SCN10A: variants seen among roughly 807,000 people sequenced by gnomAD.
SCN10A encodes the protein sodium channel protein type 10 subunit alpha.
In SCN10A, 162 loss-of-function variants were observed where a neutral mutation model predicts 170.7. The ratio of observed to expected loss-of-function variants is 0.95; its 90% CI spans 0.84 to 1.08. The LOEUF (loss-of-function observed/expected upper bound fraction) is 1.08, where lower values mean the gene tolerates loss of function less well. Ranked by LOEUF, SCN10A falls within the 50% of genes least tolerant of loss-of-function variation. The pLI is 0.00. For synonymous variants in SCN10A, 985 were observed against 904.6 expected, an observed-to-expected ratio of 1.09 and a Z score of -1.59; for missense variants, 2,527 against 2,436.9, an observed-to-expected ratio of 1.04 and a Z score of -0.78.
At chr3:38,787,432 T>G (rs998601079) in intron 4 of SCN10A, among the ~76,000 whole-genome samples, 1 of 152,188 alleles carries the variant, frequency 6.6e-6, no homozygotes, top group African/African-American at 2.4e-5. Flanking sequence ...TTGGATATTT[T>G]ATGTATACAA....
chr3:38,726,078 G>C (rs1377916918), intron 17 of SCN10A, among the ~76,000 whole-genome samples: 1 of 152,198 alleles, frequency 6.6e-6, no homozygotes, highest in East Asian at 1.9e-4. Flanking sequence ...CCAGCTTAAG[G>C]TAGTAAGGAA....
At chr3:38,768,682 A>G (rs1053266893) in intron 5 of SCN10A, among the ~76,000 whole-genome samples, 18 of 152,102 alleles carry the variant, frequency 1.2e-4, no homozygotes, top group African/African-American at 4.3e-4. Flanking sequence ...AGCTCTTAAG[A>G]TTCTTTTCTT....
rs371834396 is a variant in SCN10A at position 38,756,768 on chromosome 3, G to A, written c.1196C>T (p.Ala399Val). ...VNLILAVVTM[A>V]YEEQNQATTD... is the part of the protein sequence containing the mutation. ...GGTTGCCTGGTTCTGCTCCTCATACGCCATGGTGACTACAGCCAAGATCAA... is the reference window on the plus strand; with the variant it reads ...GGTTGCCTGGTTCTGCTCCTCATACACCATGGTGACTACAGCCAAGATCAA... The change falls in exon 10 of 28, where the codon GCG (alanine) becomes GTG (valine). Residue 399 changes from alanine to valine, a missense_variant. Ala to Val is a moderately conservative substitution (Grantham distance 64). Transcript: ENST00000449082. The A allele has an allele frequency of 2.0e-5, 32 of 1,613,908 alleles. No individual in the cohort carries two copies. Among genetic ancestry groups the A allele is most frequent in the Non-Finnish European group, 2.7e-5 (32 of 1,179,990 alleles).
intron 1 of SCN10A, among the ~76,000 whole-genome samples, chr3:38,814,793 A>T (rs2064461938): frequency 6.6e-6 from 1 of 152,230 alleles, no homozygotes; most frequent in Non-Finnish European, 1.5e-5. Context: ...AACCTTCCTA[A>T]CATTTCAAAC....
At chr3:38,792,022 G>A (rs1237593072) in intron 3 of SCN10A, 28 bp downstream of exon 3, 15 of 1,611,892 alleles carry the variant, frequency 9.3e-6, no homozygotes, top group Non-Finnish European at 1.1e-5. Context: ...ATTGTAACAC[G>A]TGGAAGAGGC....
intron 4 of SCN10A, among the ~76,000 whole-genome samples, chr3:38,788,345 C>A (rs1368503665): frequency 6.6e-6 from 1 of 151,586 alleles, no homozygotes; most frequent in Non-Finnish European, 1.5e-5. Context: ...TTTTGGAAAA[C>A]TCCCAGATTC....
intron 18 of SCN10A, among the ~76,000 whole-genome samples, chr3:38,723,836 G>A (rs2063424084): frequency 6.6e-6 from 1 of 152,192 alleles, no homozygotes; most frequent in Non-Finnish European, 1.5e-5. Flanking sequence ...TAATGCTGCA[G>A]GGGCCTGCTG....
intron 1 of SCN10A, among the ~76,000 whole-genome samples, chr3:38,803,097 G>A (rs1478228771): frequency 6.6e-6 from 1 of 152,158 alleles, no homozygotes; most frequent in African/African-American, 2.4e-5. Flanking sequence ...AAACCACAAT[G>A]AGATATCATC....
intron 20 of SCN10A, among the ~76,000 whole-genome samples, chr3:38,719,121 A>T (rs2063362115): frequency 6.6e-6 from 1 of 152,246 alleles, no homozygotes; most frequent in Non-Finnish European, 1.5e-5. Flanking sequence ...TGGATTTTGG[A>T]AGTGAACCAA....
intron 13 of SCN10A, 109 bp from the exon 14 acceptor site, chr3:38,742,638 A>G (rs919091925): frequency 3.6e-5 from 29 of 809,792 alleles, no homozygotes; most frequent in Admixed American, 2.7e-4. Flanking sequence ...CACCTCCAAC[A>G]TTTTGACTTC....
At chr3:38,770,669 C>T (rs1325237067) in intron 5 of SCN10A, among the ~76,000 whole-genome samples, 1 of 152,236 alleles carries the variant, frequency 6.6e-6, no homozygotes, top group South Asian at 2.1e-4. Context: ...TTTTGGACCG[C>T]ATCCCTCACT....
chr3:38,751,539 C>T (rs2063746957), intron 12 of SCN10A, among the ~76,000 whole-genome samples: 1 of 152,192 alleles, frequency 6.6e-6, no homozygotes, highest in Non-Finnish European at 1.5e-5. Context: ...TGCAATTGCG[C>T]TGTATCCCTG....
intron 4 of SCN10A, among the ~76,000 whole-genome samples, chr3:38,774,350 A>G (rs1482734435): frequency 1.3e-5 from 2 of 152,224 alleles, no homozygotes; most frequent in Admixed American, 6.5e-5. Context: ...CTCTCTAAAG[A>G]CTATTTTCAG....
intron 10 of SCN10A, among the ~76,000 whole-genome samples, chr3:38,756,391 C>G (rs1373655076): frequency 6.6e-6 from 1 of 152,146 alleles, no homozygotes; most frequent in Non-Finnish European, 1.5e-5. Context: ...CAAGCTGAAG[C>G]TGGTCTCTAG....
intron 5 of SCN10A, among the ~76,000 whole-genome samples, chr3:38,767,686 T>C (rs908670351): frequency 1.3e-5 from 2 of 152,176 alleles, no homozygotes; most frequent in African/African-American, 4.8e-5. Flanking sequence ...GAATATTCCA[T>C]GTGCTGATGA....
At chr3:38,709,937 T>C (rs1575934940) in intron 24 of SCN10A, among the ~76,000 whole-genome samples, 1 of 152,094 alleles carries the variant, frequency 6.6e-6, no homozygotes, top group African/African-American at 2.4e-5. Context: ...TCCCAAAACT[T>C]ATTGGTAAGG....
chr3:38,712,457 TAGAG>T lies in SCN10A; in HGVS notation c.3805-16_3805-13del. On this transcript the variant is annotated splice_polypyrimidine_tract_variant and intron_variant, in intron 22 of 27. Coordinates refer to ENST00000449082, the MANE Select transcript of SCN10A (RefSeq NM_006514.4). ...GCATCCACCACCACCTGGTGGGAGA[TAGAG>T]AAAGACCTGGAACCTCCCAATGCCC... 1.2e-6 allele frequency: 2 copies of T among 1,612,044 alleles called. No homozygotes were observed. Among genetic ancestry groups the T allele is most frequent in the Non-Finnish European group, 8.5e-7 (1 of 1,178,638 alleles).
In SCN10A at chr3:38,697,621, G is replaced by A. The variant is rs2063105083; in HGVS notation, c.5599C>T (p.Leu1867=). Residue 1867 remains leucine (L), a synonymous_variant, in exon 28 of 28, where the codon CTG becomes TTG. Transcript: ENST00000449082. ...VIQKAYRSYV[L]HRSMALSNTP... is the part of the protein sequence containing the mutation. ...TTAGAGAGTGCCATGGAGCGGTGCA[G>A]CACATAGCTCCGATAGGCCTTTTGA... 1 of 1,614,070 alleles carries A rather than the reference G, an allele frequency of 6.2e-7. No homozygotes were observed. The highest frequency in any genetic ancestry group is 1.1e-5 in the South Asian group (1 of 91,088).
intron 5 of SCN10A, among the ~76,000 whole-genome samples, chr3:38,767,074 G>T (rs138489639): frequency 1.0e-3 from 154 of 151,598 alleles, no homozygotes; most frequent in African/African-American, 3.5e-3. Context: ...GGTATCAGTT[G>T]TAATATCTCC....
Sources: allele counts gnomAD v4.1 joint callset (sites outside exome capture counted in the v4.1 genomes callset), GRCh38; gene constraint gnomAD v4.1.1; transcripts MANE v1.5; gene names NCBI Gene and HGNC (gene_info 2026-07-23, HGNC 2026-07-21).